NSUN6: variants seen among roughly 807,000 people sequenced by gnomAD.
NSUN6 encodes the protein NOP2/Sun RNA methyltransferase 6.
Under a neutral mutation model 58.0 loss-of-function variants are expected in NSUN6, and 64 were observed. The observed-to-expected ratio is 1.10, with a 90% CI of 0.90 to 1.36. The LOEUF (loss-of-function observed/expected upper bound fraction) is 1.36. NSUN6 is among the 40% of genes most tolerant of loss of function. The pLI, the probability that NSUN6 is intolerant of heterozygous loss-of-function variation, is 0.00. For missense variants in NSUN6, 701 were observed against 550.1 expected (o/e 1.27, Z -2.74); for synonymous variants, 231 against 193.9 (o/e 1.19, Z -1.59).
At chr10:18,601,203 T>C (rs1352949917) in intron 6 of NSUN6, among the ~76,000 whole-genome samples, 3 of 151,828 alleles carry the variant, frequency 2.0e-5, no homozygotes, top group Admixed American at 2.0e-4. Flanking sequence ...CAACTTTAAA[T>C]CAAAGCTGGC....
Position 18,545,928 on chromosome 10 carries a change from C to A in NSUN6, c.*5G>T. The A allele has an allele frequency of 6.8e-7, 1 of 1,477,250 alleles. No homozygotes were observed. The highest frequency in any genetic ancestry group is 1.2e-5 in the South Asian group (1 of 84,054). 91.5% of individuals were successfully genotyped at this position (1,477,250 alleles called of 1,614,324 possible). On this transcript the variant is annotated 3_prime_UTR_variant, in exon 11 of 11. Transcript: ENST00000377304. ...AATTTTCATTTCTGAGCATCCATCC[C>A]TCTCCTATGTGCTTTTGCATTTTAC...
intron 8 of NSUN6, among the ~76,000 whole-genome samples, chr10:18,554,940 G>A (rs551827617): frequency 4.6e-4 from 69 of 150,678 alleles, no homozygotes; most frequent in Middle Eastern, 7.2e-3. Context: ...AGAATGGAAT[G>A]GAATGGAATG....
At chr10:18,635,656 G>A (rs1590159601) in intron 3 of NSUN6, among the ~76,000 whole-genome samples, 1 of 151,796 alleles carries the variant, frequency 6.6e-6, no homozygotes, top group African/African-American at 2.4e-5. Context: ...TGGCCAACAT[G>A]GTAAAACTCC....
At chr10:18,596,972 T>C (rs1371180527) in intron 6 of NSUN6, among the ~76,000 whole-genome samples, 1 of 152,206 alleles carries the variant, frequency 6.6e-6, no homozygotes, top group Non-Finnish European at 1.5e-5. Flanking sequence ...CCTTGTTTTA[T>C]GCTGCTAAAT....
intron 6 of NSUN6, among the ~76,000 whole-genome samples, chr10:18,600,970 A>G (rs1170728577): frequency 1.8e-5 from 2 of 113,280 alleles, no homozygotes; most frequent in African/African-American, 6.9e-5. Flanking sequence ...ACATATATAT[A>G]TATATATGTA....
chr10:18,632,697 C>T (rs182958371), intron 3 of NSUN6, among the ~76,000 whole-genome samples: 1 of 152,310 alleles, frequency 6.6e-6, no homozygotes, highest in East Asian at 1.9e-4. Flanking sequence ...AAATCAAAAC[C>T]ACAATGAGAT....
chr10:18,639,177 A>T (rs1386935656), intron 3 of NSUN6, among the ~76,000 whole-genome samples: 1 of 152,102 alleles, frequency 6.6e-6, no homozygotes, highest in African/African-American at 2.4e-5. Context: ...GAACCTCCTC[A>T]TTTCTCATAA....
At position 18,642,232 on chromosome 10, in the gene NSUN6, T is replaced by TCACTGCA. The variant is rs143624276; in HGVS notation, c.311+237_311+243dup. Among the ~76,000 whole-genome samples the TCACTGCA allele has an allele frequency of 8.4e-3, 1,273 of 151,898 alleles. 14 individuals carry two copies. The highest frequency in any genetic ancestry group is 0.033 in the South Asian group (158 of 4,806). ...CACAGAAAGTGGGGGGGGGAAAACA[T>TCACTGCA]CACTGCACTAAATGGACCTAAAATG... On this transcript the variant is annotated intron_variant, in intron 3 of 10. Transcript: ENST00000377304.
At chr10:18,631,926 A>G (rs2059044450) in intron 3 of NSUN6, among the ~76,000 whole-genome samples, 1 of 152,220 alleles carries the variant, frequency 6.6e-6, no homozygotes, top group East Asian at 1.9e-4. Context: ...TATGGAACCA[A>G]AAGAGAGCCC....
At position 18,651,246 on chromosome 10, in the gene NSUN6, AC is replaced by A; in HGVS notation, c.-44del. On this transcript the variant is annotated 5_prime_UTR_variant, in exon 1 of 11. Transcript: ENST00000377304. Reference sequence around the variant, plus strand: ...TCTCCACCAAGAGAAATGCTGGAAAACGGTGTTTTGTTTTTTTTTTTCTTTC... The same window carrying A: ...TCTCCACCAAGAGAAATGCTGGAAAAGGTGTTTTGTTTTTTTTTTTCTTTC... The A allele has an allele frequency of 6.6e-7, 1 of 1,503,894 alleles. No individual in the cohort carries two copies. 93.2% of individuals were successfully genotyped at this position (1,503,894 alleles called of 1,614,324 possible).
intron 8 of NSUN6, among the ~76,000 whole-genome samples, chr10:18,557,513 TGGAA>T (rs1017307629): frequency 6.9e-6 from 1 of 145,026 alleles, no homozygotes; most frequent in Non-Finnish European, 1.5e-5. Flanking sequence ...GAGAATAGAA[TGGAA>T]GGGAGAATGG....
chr10:18,603,489 G>A (rs1490606324), intron 6 of NSUN6, among the ~76,000 whole-genome samples: 2 of 145,416 alleles, frequency 1.4e-5, no homozygotes, highest in South Asian at 4.3e-4. Context: ...TTTTTTTTTG[G>A]GATGGAGTCT....
chr10:18,592,384 T>C (rs2057410863), intron 7 of NSUN6, among the ~76,000 whole-genome samples: 1 of 152,096 alleles, frequency 6.6e-6, no homozygotes, highest in Admixed American at 6.5e-5. Context: ...AAACTTCATA[T>C]GGAACCAAAA....
chr10:18,633,326 G>C (rs1335726831), intron 3 of NSUN6, among the ~76,000 whole-genome samples: 1 of 151,086 alleles, frequency 6.6e-6, no homozygotes, highest in Non-Finnish European at 1.5e-5. Flanking sequence ...TGATGAGTTG[G>C]TGGGTGCAGC....
intron 3 of NSUN6, among the ~76,000 whole-genome samples, chr10:18,627,922 T>C (rs2058880325): frequency 6.6e-6 from 1 of 152,312 alleles, no homozygotes; most frequent in African/African-American, 2.4e-5. Context: ...CAAGGAGGCC[T>C]GCCTGCCTCT....
chr10:18,585,794 A>G (rs45503605), intron 8 of NSUN6, among the ~76,000 whole-genome samples, 155 bp downstream of exon 8: 21,937 of 85,678 alleles, frequency 0.26, 1,738 homozygotes, highest in Middle Eastern at 0.34. Flanking sequence ...TAAATTTCAA[A>G]TTACCACAAG....
At chr10:18,629,980 C>A (rs959316069) in intron 3 of NSUN6, among the ~76,000 whole-genome samples, 1 of 150,586 alleles carries the variant, frequency 6.6e-6, no homozygotes, top group African/African-American at 2.5e-5. Flanking sequence ...CACAGCTATT[C>A]CAAAATTGAC....
intron 3 of NSUN6, among the ~76,000 whole-genome samples, chr10:18,621,067 A>T (rs1480713729): frequency 6.6e-6 from 1 of 152,250 alleles, no homozygotes; most frequent in Admixed American, 6.5e-5. Flanking sequence ...AGGTTTACTT[A>T]TTAACTGCTA....
chr10:18,618,820 G>C (rs2058503909), intron 3 of NSUN6, among the ~76,000 whole-genome samples: 1 of 148,666 alleles, frequency 6.7e-6, no homozygotes, highest in African/African-American at 2.5e-5. Context: ...CTCATCAGTT[G>C]GGTCTAATCT....
Sources: allele counts gnomAD v4.1 joint callset (sites outside exome capture counted in the v4.1 genomes callset), GRCh38; gene constraint gnomAD v4.1.1; transcripts MANE v1.5; gene names NCBI Gene and HGNC (gene_info 2026-07-23, HGNC 2026-07-21).